The following SLC4A4 variants were observed in gnomAD, a reference collection of about 807,000 sequenced individuals.
SLC4A4 encodes solute carrier family 4 member 4.
In SLC4A4, 27 loss-of-function variants were observed where a neutral mutation model predicts 111.5. That is an observed-to-expected ratio of 0.24 (90% CI 0.18 to 0.33). The LOEUF is 0.33. SLC4A4 is among the 10% of genes least tolerant of loss of function. The pLI is 1.00. For synonymous variants in SLC4A4, 443 were observed against 463.4 expected (o/e 0.96, Z 0.57); for missense variants, 909 against 1,315.5 (o/e 0.69, Z 4.78).
intron 3 of SLC4A4, chr4:71,300,842 A>G: frequency 2.1e-6 from 1 of 465,240 alleles, no homozygotes; most frequent in South Asian, 1.7e-5. Context: ...TGCTGGAGGC[A>G]GAGACAGTGG....
chr4:71,351,356 T>C (rs1375297586), intron 5 of SLC4A4, among the ~76,000 whole-genome samples: 1 of 152,158 alleles, frequency 6.6e-6, no homozygotes, highest in Non-Finnish European at 1.5e-5. Flanking sequence ...ATGATTTAAG[T>C]CCTACTTTAC....
chr4:71,358,946 G>A lies in SLC4A4; in HGVS notation c.730+1759G>A, dbSNP rs968877512. Among the ~76,000 whole-genome samples, 6 of 152,090 alleles carry A rather than the reference G, an allele frequency of 3.9e-5. No individual in the cohort carries two copies. In the East Asian group the frequency reaches 7.7e-4, roughly 20 times the overall value. The stretch of plus-strand genomic sequence containing the variant: ...ATTTAATTCGTTTATCATGGGGTTG[G>A]GGGAAGTATAAAGAAGTGAAAAAGT... On this transcript the variant is annotated intron_variant, in intron 6 of 25. Coordinates refer to ENST00000264485, the MANE Select transcript of SLC4A4 (RefSeq NM_001098484.3).
At position 71,570,885 on chromosome 4, in the gene SLC4A4, C is replaced by A. The variant is rs1156320327; in HGVS notation, c.*3134C>A. On this transcript the variant is annotated 3_prime_UTR_variant, in exon 26 of 26. Coordinates refer to ENST00000264485, the MANE Select transcript of SLC4A4 (RefSeq NM_001098484.3). Reference sequence around the variant, plus strand: ...TTGTGTGCCAGGGGCAGTAATGTCCCTGCCTCTTCTCCCAATCAAGGTTGA... The same window carrying A: ...TTGTGTGCCAGGGGCAGTAATGTCCATGCCTCTTCTCCCAATCAAGGTTGA... 1.3e-5 allele frequency: 2 copies of A among 152,034 alleles called. No individual in the cohort carries two copies. The highest frequency in any genetic ancestry group is 2.9e-5 in the Non-Finnish European group (2 of 67,850). The allele number at this position is 152,034 out of a possible 1,614,324, so 9.4% of individuals were successfully genotyped here.
chr4:71,278,128 C>T lies in SLC4A4; in HGVS notation c.253+22729C>T, dbSNP rs865884068. 7.9e-5 allele frequency among the ~76,000 whole-genome samples: 12 copies of T among 152,176 alleles called. No individual in the cohort carries two copies. The South Asian group carries it at 2.5e-3, about 32-fold the overall frequency. On this transcript the variant is annotated intron_variant, in intron 3 of 25. Transcript: ENST00000264485. ...AACCTCCCAGCCCCTGGTAACTGCC[C>T]TTTTACTCTCCGTTTCTATGGGTTT...
intron 3 of SLC4A4, among the ~76,000 whole-genome samples, chr4:71,278,756 TC>T (rs1436919268): frequency 3.3e-5 from 5 of 152,228 alleles, no homozygotes; most frequent in Admixed American, 6.5e-5. Context: ...TGGGAAAATG[TC>T]TAATTAGGTC....
chr4:71,148,076 A>G (rs1744226894), intron 2 of SLC4A4, among the ~76,000 whole-genome samples: 1 of 152,152 alleles, frequency 6.6e-6, no homozygotes, highest in Admixed American at 6.6e-5. Context: ...GAATCATAGA[A>G]ACTTACAACT....
At chr4:71,534,661 C>G (rs978639834) in intron 18 of SLC4A4, among the ~76,000 whole-genome samples, 2 of 151,954 alleles carry the variant, frequency 1.3e-5, no homozygotes. Flanking sequence ...TATTTAGCCA[C>G]AGTCATCCTA....
Position 71,554,472 on chromosome 4 carries a change from A to G in SLC4A4, c.2695-668A>G, listed in dbSNP as rs115824175. 6.8e-3 allele frequency among the ~76,000 whole-genome samples: 1,038 copies of G among 151,982 alleles called. 8 individuals are homozygous for G. Among genetic ancestry groups the G allele is most frequent in the Admixed American group, 0.012 (190 of 15,230 alleles). On this transcript the variant is annotated intron_variant, in intron 20 of 25. Transcript: ENST00000264485. ...CCTTGTTAAAACACTTTGTATTAATATAAAATATTTTTTGCTAATGCATGA... is the reference window on the plus strand; with the variant it reads ...CCTTGTTAAAACACTTTGTATTAATGTAAAATATTTTTTGCTAATGCATGA...
intron 6 of SLC4A4, among the ~76,000 whole-genome samples, chr4:71,367,923 C>T (rs1197254636): frequency 6.6e-6 from 1 of 152,146 alleles, no homozygotes; most frequent in Non-Finnish European, 1.5e-5. Context: ...TCATCAGTAG[C>T]CTTAAAAAGA....
chr4:71,091,607 G>C (rs1348737226), intron 1 of SLC4A4, among the ~76,000 whole-genome samples: 1 of 152,024 alleles, frequency 6.6e-6, no homozygotes, highest in African/African-American at 2.4e-5. Flanking sequence ...AGGTGGTATT[G>C]GTTAAGTCCA....
In SLC4A4 at chr4:71,472,663, A is replaced by C. The variant is rs749037539; in HGVS notation, c.1632-36A>C. Reference sequence around the variant, plus strand: ...TTATATTATTCTTTGTGTTCCAAGGAGGAGGAATCTAAACATTTTTCTTTC... The same window carrying C: ...TTATATTATTCTTTGTGTTCCAAGGCGGAGGAATCTAAACATTTTTCTTTC... On this transcript the variant is annotated intron_variant, in intron 13 of 25. Transcript: ENST00000264485. 3.1e-6 allele frequency: 5 copies of C among 1,601,812 alleles called. No individual in the cohort carries two copies. The South Asian group carries it at 5.5e-5, about 18-fold the overall frequency.
At chr4:71,119,656 T>C (rs1184960287) in intron 2 of SLC4A4, among the ~76,000 whole-genome samples, 1 of 152,206 alleles carries the variant, frequency 6.6e-6, no homozygotes, top group Non-Finnish European at 1.5e-5. Context: ...TTTATTCTAT[T>C]TGGGATTCAT....
intron 2 of SLC4A4, among the ~76,000 whole-genome samples, chr4:71,140,177 T>G (rs550290300): frequency 5.9e-5 from 9 of 152,262 alleles, no homozygotes; most frequent in African/African-American, 2.2e-4. Context: ...CCCGGACCTT[T>G]GGGAGACGAA....
At chr4:71,488,745 A>C (rs551851841) in intron 15 of SLC4A4, among the ~76,000 whole-genome samples, 1 of 151,850 alleles carries the variant, frequency 6.6e-6, no homozygotes, top group South Asian at 2.1e-4. Flanking sequence ...AATGTACACA[A>C]ATGGCAATGT....
At chr4:71,470,595 A>G (rs1159061385) in intron 13 of SLC4A4, among the ~76,000 whole-genome samples, 2 of 152,060 alleles carry the variant, frequency 1.3e-5, no homozygotes, top group African/African-American at 2.4e-5. Context: ...TATCTATAAA[A>G]TGAGTTGTAA....
At chr4:71,483,515 A>G (rs976454165) in intron 14 of SLC4A4, among the ~76,000 whole-genome samples, 1 of 151,856 alleles carries the variant, frequency 6.6e-6, no homozygotes, top group African/African-American at 2.4e-5. Context: ...CGTTCCTTTT[A>G]TGGCTGCATA....
chr4:71,349,354 A>G (rs554938665), intron 4 of SLC4A4, among the ~76,000 whole-genome samples: 78 of 152,344 alleles, frequency 5.1e-4, no homozygotes, highest in African/African-American at 1.8e-3. Context: ...TGTATATTAA[A>G]GGAAGACACA....
At chr4:71,231,685 C>T (rs925490245) in intron 1 of SLC4A4, among the ~76,000 whole-genome samples, 7 of 152,170 alleles carry the variant, frequency 4.6e-5, no homozygotes, top group Admixed American at 4.6e-4. Flanking sequence ...TGAACTTTGC[C>T]TCATGCTGGT....
intron 1 of SLC4A4, among the ~76,000 whole-genome samples, chr4:71,090,353 CA>C (rs972775055): frequency 6.6e-6 from 1 of 152,096 alleles, no homozygotes; most frequent in African/African-American, 2.4e-5. Flanking sequence ...CCAGGTGAGG[CA>C]ATGCCTCACC....
Sources: allele counts gnomAD v4.1 joint callset (sites outside exome capture counted in the v4.1 genomes callset), GRCh38; gene constraint gnomAD v4.1.1; transcripts MANE v1.5; gene names NCBI Gene and HGNC (gene_info 2026-07-23, HGNC 2026-07-21).